The following XIRP2 variants were observed in gnomAD, a reference collection of about 807,000 sequenced individuals.
XIRP2 encodes xin actin-binding repeat-containing protein 2.
XIRP2 carries 236 observed loss-of-function variants against 277.0 expected under a neutral mutation model. The ratio of observed to expected loss-of-function variants is 0.85; its 90% CI spans 0.77 to 0.95. The LOEUF (loss-of-function observed/expected upper bound fraction) is 0.95, where lower values mean the gene tolerates loss of function less well. XIRP2 is among the 40% of genes least tolerant of loss of function. The pLI is 0.00. For missense variants in XIRP2, 4,640 were observed against 4,157.5 expected (o/e 1.12, Z -3.19); for synonymous variants, 1,490 against 1,416.5 (o/e 1.05, Z -1.17).
chr2:167,126,691 T>C (rs1323028929), intron 2 of XIRP2, among the ~76,000 whole-genome samples: 1 of 152,122 alleles, frequency 6.6e-6, no homozygotes, highest in African/African-American at 2.4e-5. Flanking sequence ...TCATTTGCTT[T>C]CTTTGGAGAT....
intron 2 of XIRP2, among the ~76,000 whole-genome samples, chr2:166,917,622 G>A (rs546991009): frequency 6.6e-6 from 1 of 151,182 alleles, no homozygotes; most frequent in African/African-American, 2.4e-5. Context: ...ATATGACACT[G>A]TTAAAAAAAA....
intron 3 of XIRP2, among the ~76,000 whole-genome samples, chr2:167,205,723 T>A (rs1435518724): frequency 6.6e-6 from 1 of 152,202 alleles, no homozygotes; most frequent in Non-Finnish European, 1.5e-5. Flanking sequence ...ATTGTAGGGT[T>A]TGTTTTGCAT....
At chr2:167,224,937 C>T (rs1373199323) in intron 5 of XIRP2, among the ~76,000 whole-genome samples, 5 of 152,240 alleles carry the variant, frequency 3.3e-5, no homozygotes, top group South Asian at 2.1e-4. Flanking sequence ...CATACCTGTA[C>T]GTGTTTTGAG....
intron 3 of XIRP2, among the ~76,000 whole-genome samples, chr2:167,155,923 A>G (rs2105335936): frequency 6.6e-6 from 1 of 150,434 alleles, no homozygotes; most frequent in East Asian, 1.9e-4. Context: ...ATCAATGTAA[A>G]AAAATCACAA....
chr2:167,178,270 C>A (rs73025729), intron 3 of XIRP2, among the ~76,000 whole-genome samples: 1 of 151,916 alleles, frequency 6.6e-6, no homozygotes, highest in Non-Finnish European at 1.5e-5. Context: ...ATGTTTTATG[C>A]ATAATTTCTT....
At position 167,248,066 on chromosome 2, in the gene XIRP2, T is replaced by C. The variant is rs1695337294; in HGVS notation, c.6674T>C (p.Met2225Thr). ...VEQDTSNVTE[M>T]KVSEKSHNTF... ...CAAGACACATCCAATGTAACAGAAA[T>C]GAAAGTCTCTGAAAAAAGTCACAAT... The change falls in exon 9 of 11, where the codon ATG becomes ACG. Residue 2225 changes from methionine to threonine, a missense_variant. Coordinates refer to ENST00000409195, the MANE Select transcript of XIRP2 (RefSeq NM_152381.6). 6.2e-7 allele frequency: 1 copy of C among 1,613,482 alleles called. No homozygotes were observed. Among genetic ancestry groups the C allele is most frequent in the East Asian group, 2.2e-5 (1 of 44,808 alleles).
At chr2:166,926,452 C>A (rs1452829146) in intron 2 of XIRP2, among the ~76,000 whole-genome samples, 1 of 152,080 alleles carries the variant, frequency 6.6e-6, no homozygotes, top group African/African-American at 2.4e-5. Context: ...TAAAAAGAAT[C>A]CTTTGCAACT....
At chr2:167,027,852 AG>A (rs1483937557) in intron 2 of XIRP2, among the ~76,000 whole-genome samples, 1 of 152,114 alleles carries the variant, frequency 6.6e-6, no homozygotes, top group African/African-American at 2.4e-5. Context: ...AAATTTCATT[AG>A]TACTCAAATA....
At chr2:167,023,796 T>C (rs752422063) in intron 2 of XIRP2, among the ~76,000 whole-genome samples, 5 of 152,158 alleles carry the variant, frequency 3.3e-5, no homozygotes, top group Non-Finnish European at 7.3e-5. Flanking sequence ...GAGGGATCTG[T>C]TCTGTTCCAT....
intron 2 of XIRP2, among the ~76,000 whole-genome samples, chr2:166,995,118 G>A (rs1687181603): frequency 6.6e-6 from 1 of 152,090 alleles, no homozygotes; most frequent in Non-Finnish European, 1.5e-5. Context: ...TTGACCTCGT[G>A]ATCCCCCCAC....
intron 9 of XIRP2, 65 bp downstream of exon 9, chr2:167,252,012 A>G (rs1695526022): frequency 6.6e-7 from 1 of 1,505,888 alleles, no homozygotes; most frequent in Admixed American, 2.3e-5. Context: ...CATAGCCAAA[A>G]TGATGTACAG....
At chr2:167,024,438 C>A (rs1220173815) in intron 2 of XIRP2, among the ~76,000 whole-genome samples, 1 of 151,942 alleles carries the variant, frequency 6.6e-6, no homozygotes, top group East Asian at 1.9e-4. Context: ...AATTGAATAC[C>A]CTTTATTTCC....
chr2:167,077,772 C>T (rs1323794401), intron 2 of XIRP2, among the ~76,000 whole-genome samples: 1 of 152,096 alleles, frequency 6.6e-6, no homozygotes, highest in Non-Finnish European at 1.5e-5. Flanking sequence ...TTGGCTTTTA[C>T]CCAGAGTGAC....
chr2:167,142,285 C>G (rs924079307), intron 3 of XIRP2, among the ~76,000 whole-genome samples: 2 of 152,270 alleles, frequency 1.3e-5, no homozygotes, highest in African/African-American at 4.8e-5. Context: ...CACAATGGCT[C>G]ACGCTTATAA....
At chr2:166,959,856 A>T (rs1686257135) in intron 2 of XIRP2, among the ~76,000 whole-genome samples, 1 of 151,786 alleles carries the variant, frequency 6.6e-6, no homozygotes, top group African/African-American at 2.4e-5. Flanking sequence ...GGTCTATTAA[A>T]CACAAAGCTG....
chr2:167,249,704 A>G lies in XIRP2; in HGVS notation c.8312A>G (p.Tyr2771Cys). Reference sequence around the variant, plus strand: ...AAGCAATCTCTGGCTGAAAGACATTATCAGTTACCTAAGAAGGAGAAAAGA... The same window carrying G: ...AAGCAATCTCTGGCTGAAAGACATTGTCAGTTACCTAAGAAGGAGAAAAGA... The part of the protein sequence containing the change: ...SHKQSLAERH[Y>C]QLPKKEKRVT... The change falls in exon 9 of 11, where the codon TAT becomes TGT. Residue 2771 changes from tyrosine (Y) to cysteine (C), a missense_variant. Physicochemically the swap from Tyr to Cys is radical, Grantham distance 194. Transcript: ENST00000409195. 1 of 1,613,572 alleles carries G rather than the reference A, an allele frequency of 6.2e-7. No homozygotes were observed. The highest frequency in any genetic ancestry group is 8.5e-7 in the Non-Finnish European group (1 of 1,179,766).
chr2:167,045,641 C>A (rs1688767304), intron 2 of XIRP2, among the ~76,000 whole-genome samples: 1 of 152,176 alleles, frequency 6.6e-6, no homozygotes, highest in East Asian at 1.9e-4. Flanking sequence ...AACTGCTCAA[C>A]ACCATTAATC....
At chr2:167,086,972 T>G (rs925717127) in intron 2 of XIRP2, among the ~76,000 whole-genome samples, 21 of 152,152 alleles carry the variant, frequency 1.4e-4, no homozygotes, top group African/African-American at 5.1e-4. Flanking sequence ...CCAGCTTTGT[T>G]CCGTTGCTGG....
At chr2:166,915,200 C>T (rs1241994169) in intron 2 of XIRP2, among the ~76,000 whole-genome samples, 2 of 144,300 alleles carry the variant, frequency 1.4e-5, no homozygotes, top group African/African-American at 5.2e-5. Context: ...ACTTGGGAGG[C>T]TGAGGCAGGA....
Sources: allele counts gnomAD v4.1 joint callset (sites outside exome capture counted in the v4.1 genomes callset), GRCh38; gene constraint gnomAD v4.1.1; transcripts MANE v1.5; gene names NCBI Gene and HGNC (gene_info 2026-07-23, HGNC 2026-07-21).